DIAPH2: variants seen among roughly 807,000 people sequenced by gnomAD.
The protein encoded by DIAPH2 is diaphanous related formin 2, also known as protein diaphanous homolog 2.
In DIAPH2, 35 loss-of-function variants were observed where a neutral mutation model predicts 92.7. The ratio of observed to expected loss-of-function variants is 0.38; its 90% CI spans 0.29 to 0.50. DIAPH2 has a LOEUF of 0.50. Among genes scored for constraint, DIAPH2 ranks in the 20% least tolerant of loss-of-function variants. The pLI is 0.94. For missense variants in DIAPH2, 701 were observed against 819.5 expected, an observed-to-expected ratio of 0.86 and a Z score of 1.77; for synonymous variants, 301 against 280.4, an observed-to-expected ratio of 1.07 and a Z score of -0.73.
At chrX:97,526,079 A>C (rs1384513998) in intron 26 of DIAPH2, among the ~76,000 whole-genome samples, 1 of 111,037 alleles carries the variant, frequency 9.0e-6, no homozygotes, top group Non-Finnish European at 1.9e-5. Context: ...AATTTTGACT[A>C]TCCAGAGAAG....
At chrX:97,216,968 A>G (rs745494703) in intron 22 of DIAPH2, among the ~76,000 whole-genome samples, 1 of 111,992 alleles carries the variant, frequency 8.9e-6, no homozygotes, top group African/African-American at 3.2e-5. Flanking sequence ...CATACCTAAC[A>G]TAGTATTTCT....
chrX:97,194,519 C>T (rs985267287), intron 22 of DIAPH2, among the ~76,000 whole-genome samples: 5 of 110,562 alleles, frequency 4.5e-5, no homozygotes, highest in South Asian at 3.9e-4. Flanking sequence ...CTCCCGACCT[C>T]GTGATCCGCC....
At chrX:97,030,166 A>G (rs1045651112) in intron 17 of DIAPH2, among the ~76,000 whole-genome samples, 41 of 111,804 alleles carry the variant, frequency 3.7e-4, no homozygotes, top group African/African-American at 1.3e-3. Context: ...ATCTTAACAC[A>G]GTTTTTAACC....
chrX:97,494,328 A>G (rs1302907935), intron 26 of DIAPH2, among the ~76,000 whole-genome samples: 1 of 110,023 alleles, frequency 9.1e-6, no homozygotes, highest in African/African-American at 3.3e-5. Flanking sequence ...CAATAAATAA[A>G]TAAATACATA....
chrX:96,821,222 A>G (rs772790002), intron 4 of DIAPH2, among the ~76,000 whole-genome samples: 5 of 112,602 alleles, frequency 4.4e-5, no homozygotes, highest in Admixed American at 3.8e-4. Context: ...CCAGCTGCTC[A>G]TAAGCCAAAA....
rs758339776 is a variant in DIAPH2 at position 97,001,488 on chromosome X, C to CA, written c.2050+36289dup. ...TGAAACCCTGTCTCTACTAAAAATG[C>CA]AAAAAAAATTAGCCAGGCGTGGTAG... is the stretch of plus-strand genomic sequence containing the variant. On this transcript the variant is annotated intron_variant, in intron 17 of 26. Transcript: ENST00000324765. Among the ~76,000 whole-genome samples, 231 of 109,839 alleles carry CA rather than the reference C, an allele frequency of 2.1e-3. 2 individuals are homozygous for CA. Among genetic ancestry groups the CA allele is most frequent in the Admixed American group, 0.015 (153 of 10,293 alleles).
intron 22 of DIAPH2, among the ~76,000 whole-genome samples, chrX:97,143,883 A>G (rs1334415497): frequency 8.9e-6 from 1 of 112,006 alleles, no homozygotes; most frequent in Non-Finnish European, 1.9e-5. Flanking sequence ...TAAGTGAAAT[A>G]AGCCAGGCAC....
At chrX:97,110,631 A>T (rs749473807) in intron 20 of DIAPH2, among the ~76,000 whole-genome samples, 1 of 111,794 alleles carries the variant, frequency 8.9e-6, no homozygotes, top group South Asian at 3.8e-4. Context: ...TGTGACTTGA[A>T]TATCACTTCA....
At chrX:97,050,727 G>A (rs1029709820) in intron 17 of DIAPH2, among the ~76,000 whole-genome samples, 4 of 110,666 alleles carry the variant, frequency 3.6e-5, no homozygotes, top group Non-Finnish European at 7.6e-5. Context: ...TCTGATTTAT[G>A]ATTTTTTTTG....
chrX:97,065,855 G>A (rs2147906653), intron 17 of DIAPH2, among the ~76,000 whole-genome samples: 1 of 111,023 alleles, frequency 9.0e-6, no homozygotes, highest in African/African-American at 3.3e-5. Context: ...CCCTGTACAG[G>A]CCTAGGCTAA....
chrX:97,133,562 T>C (rs543772), intron 21 of DIAPH2, among the ~76,000 whole-genome samples: 16,574 of 111,654 alleles, frequency 0.15, 1,243 homozygotes, highest in African/African-American at 0.27. Context: ...GCTGAGATTA[T>C]AGGCGTGAGC....
chrX:97,024,486 G>C (rs1302605510), intron 17 of DIAPH2, among the ~76,000 whole-genome samples: 1 of 111,942 alleles, frequency 8.9e-6, no homozygotes, highest in African/African-American at 3.2e-5. Context: ...AGGGAGGCAA[G>C]AGTCACCCTC....
intron 15 of DIAPH2, among the ~76,000 whole-genome samples, chrX:96,956,220 G>T (rs1430116550): frequency 8.9e-6 from 1 of 112,913 alleles, no homozygotes. Context: ...CACCCTCTAA[G>T]GCTATGTCTT....
At chrX:97,165,914 C>G (rs938865859) in intron 22 of DIAPH2, among the ~76,000 whole-genome samples, 2 of 110,879 alleles carry the variant, frequency 1.8e-5, no homozygotes, top group Non-Finnish European at 3.8e-5. Flanking sequence ...CTCTCTCTCT[C>G]TGTCCTCCTC....
At chrX:96,719,962 C>G (rs1186199215) in intron 1 of DIAPH2, among the ~76,000 whole-genome samples, 1 of 111,840 alleles carries the variant, frequency 8.9e-6, no homozygotes, top group Middle Eastern at 4.2e-3. Flanking sequence ...ACCCTTCTAC[C>G]TGAGCATCTG....
chrX:97,567,783 A>G (rs1221190050), intron 26 of DIAPH2, among the ~76,000 whole-genome samples: 1 of 111,404 alleles, frequency 9.0e-6, no homozygotes, highest in Non-Finnish European at 1.9e-5. Context: ...TTTAAGGAAG[A>G]TCTTTTTAAA....
intron 25 of DIAPH2, among the ~76,000 whole-genome samples, chrX:97,426,250 A>G (rs944783500): frequency 1.9e-5 from 2 of 107,938 alleles, no homozygotes; most frequent in Non-Finnish European, 3.8e-5. Context: ...GATATGTGTT[A>G]TTTAGACAAT....
At chrX:96,939,535 T>C (rs2065683471) in intron 12 of DIAPH2, among the ~76,000 whole-genome samples, 153 bp downstream of exon 12, 2 of 86,958 alleles carry the variant, frequency 2.3e-5, no homozygotes, top group South Asian at 1.3e-3. Flanking sequence ...TATATGTATA[T>C]ATATATGTAT....
intron 26 of DIAPH2, among the ~76,000 whole-genome samples, chrX:97,589,719 C>G (rs1368636344): frequency 1.8e-5 from 2 of 112,290 alleles, no homozygotes; most frequent in Non-Finnish European, 3.8e-5. Context: ...ATGTAAATGT[C>G]AGGAATGATT....
Sources: gnomAD v4.1 joint callset for allele counts (sites outside exome capture counted in the v4.1 genomes callset) on GRCh38, gnomAD v4.1.1 for gene constraint, MANE v1.5 for transcripts, NCBI Gene and HGNC (gene_info 2026-07-23, HGNC 2026-07-21) for gene names.